Variants in GOLGA3 observed in about 807,000 individuals in gnomAD.
GOLGA3 encodes the protein golgin subfamily A member 3.
A neutral mutation model predicts 169.4 loss-of-function variants in GOLGA3; 75 were observed. That is an observed-to-expected ratio of 0.44 (90% CI 0.37 to 0.54). The LOEUF (loss-of-function observed/expected upper bound fraction) is 0.54, where lower values mean the gene tolerates loss of function less well. GOLGA3 is among the 20% of genes least tolerant of loss of function. The pLI is 0.00. For missense variants in GOLGA3, 1,899 were observed against 1,930.0 expected (o/e 0.98, Z 0.30); for synonymous variants, 824 against 822.4 (o/e 1.00, Z -0.03).
intron 5 of GOLGA3, among the ~76,000 whole-genome samples, chr12:132,807,599 C>A (rs988288542): frequency 6.6e-6 from 1 of 152,154 alleles, no homozygotes; most frequent in Admixed American, 6.5e-5. Context: ...TCTAATTCTA[C>A]TGATTAAAAA....
chr12:132,799,427 CAGG>C (rs1949024698), intron 8 of GOLGA3, among the ~76,000 whole-genome samples: 1 of 152,178 alleles, frequency 6.6e-6, no homozygotes, highest in African/African-American at 2.4e-5. Flanking sequence ...CGCTTGAGTC[CAGG>C]AGTTCAAAAC....
chr12:132,777,635 G>A lies in GOLGA3; in HGVS notation c.3722+31C>T. Reference sequence around the variant, plus strand: ...CCCCGCCCATTGCCAGGACAGCCATGTTTGAGGGCTGGCGGGGCCCAGGCA... The same window carrying A: ...CCCCGCCCATTGCCAGGACAGCCATATTTGAGGGCTGGCGGGGCCCAGGCA... On this transcript the variant is annotated intron_variant, in intron 19 of 23. Coordinates refer to ENST00000450791, the MANE Select transcript of GOLGA3 (RefSeq NM_001389683.1). The surrounding 1 kb of genome is among the most constrained non-coding windows in gnomAD (Gnocchi z 4.7). 1.2e-6 allele frequency: 2 copies of A among 1,612,382 alleles called. No homozygotes were observed. Among genetic ancestry groups the A allele is most frequent in the Non-Finnish European group, 1.7e-6 (2 of 1,179,062 alleles).
chr12:132,826,162 C>T, intron 1 of GOLGA3: 1 of 1,593,186 alleles, frequency 6.3e-7, no homozygotes, highest in Non-Finnish European at 8.6e-7. Flanking sequence ...CTGCCAGCAC[C>T]AAGAAGCAGT....
chr12:132,828,118 G>A (rs945888811), intron 1 of GOLGA3, among the ~76,000 whole-genome samples: 19 of 152,124 alleles, frequency 1.2e-4, no homozygotes, highest in African/African-American at 1.7e-4. Flanking sequence ...AATTTTGCCT[G>A]GCTTGCTTCT....
chr12:132,801,922 G>C lies in GOLGA3; in HGVS notation c.1645C>G (p.Gln549Glu), dbSNP rs1232068726. The C allele has an allele frequency of 3.1e-6, 5 of 1,601,334 alleles. No homozygotes were observed. Among genetic ancestry groups the C allele is most frequent in the Admixed American group, 1.7e-5 (1 of 60,002 alleles). Residue 549 changes from glutamine to glutamate, a missense_variant, in exon 8 of 24, where the codon CAG becomes GAG. Transcript: ENST00000450791. ...QMTALQSQLQ[Q>E]VQLERTTLTS... ...AGCGTCGTCCGCTCCAGCTGCACCT[G>C]CTGAAGCTGGCTCTGCAAGGCTGTC...
chr12:132,792,763 G>GCACTCGGAGGGCTCCACACAGACCC (rs1948613483), intron 11 of GOLGA3, among the ~76,000 whole-genome samples: 1 of 68,222 alleles, frequency 1.5e-5, no homozygotes, highest in Non-Finnish European at 2.9e-5. Flanking sequence ...CACACGGACT[G>GCACTCGGAGGGCTCCACACAGACCC]ACCGCACGGG....
chr12:132,816,675 G>A lies in GOLGA3; in HGVS notation c.271C>T (p.Pro91Ser). The change falls in exon 3 of 24, where the codon CCT becomes TCT. Residue 91 changes from proline (P) to serine (S), a missense_variant. By Grantham distance (74) the Pro-to-Ser change is moderately conservative (BLOSUM62 -1). Transcript: ENST00000450791. ...SLDPTTSPVG[P>S]DASPGVAGFH... The stretch of plus-strand genomic sequence containing the variant: ...CCAGCCACACCTGGAGAGGCATCAG[G>A]GCCCACTGGGCTTGTGGTGGGATCG... 6.2e-7 allele frequency: 1 copy of A among 1,614,164 alleles called. No homozygotes were observed. The highest frequency in any genetic ancestry group is 1.1e-5 in the South Asian group (1 of 91,090).
rs984913838 is a variant in GOLGA3 at position 132,788,910 on chromosome 12, G to A, written c.2811+117C>T. The stretch of plus-strand genomic sequence containing the variant: ...TGGCCCCACCCCAGACACAGGCCCC[G>A]ACCCAGACAGACCCCGCCCCAGACA... On this transcript the variant is annotated intron_variant, in intron 13 of 23. Coordinates refer to ENST00000450791, the MANE Select transcript of GOLGA3 (RefSeq NM_001389683.1). 4 of 67,318 alleles carry A rather than the reference G, an allele frequency of 5.9e-5. 1 individual carries two copies. Among genetic ancestry groups the A allele is most frequent in the Non-Finnish European group, 5.4e-5 (2 of 36,926 alleles). 4.2% of individuals were successfully genotyped at this position (67,318 alleles called of 1,614,324 possible).
Position 132,816,559 on chromosome 12 carries a change from A to G in GOLGA3, c.387T>C (p.Pro129=), listed in dbSNP as rs753884318. 1 of 1,613,320 alleles carries G rather than the reference A, an allele frequency of 6.2e-7. No individual in the cohort carries two copies. The highest frequency in any genetic ancestry group is 1.1e-5 in the South Asian group (1 of 91,082). The change falls in exon 3 of 24, where the codon CCT becomes CCC. Residue 129 remains proline, a synonymous_variant. Coordinates refer to ENST00000450791, the MANE Select transcript of GOLGA3 (RefSeq NM_001389683.1). ...GCTTACACAGTTGCGTTTCTTGCAT[A>G]GGAAGACTGAGTCTGAGAGACTGCA... ...EALQSLRLSL[P]MQETQLCSTD... is the part of the protein sequence containing the mutation.
chr12:132,787,651 C>T (rs1485467530), intron 13 of GOLGA3, among the ~76,000 whole-genome samples: 1 of 102,532 alleles, frequency 9.8e-6, no homozygotes, highest in Non-Finnish European at 2.2e-5. Flanking sequence ...CGGGACCCCT[C>T]CCCGGAGACC....
At chr12:132,818,800 C>G (rs1021457837) in intron 2 of GOLGA3, among the ~76,000 whole-genome samples, 4 of 152,050 alleles carry the variant, frequency 2.6e-5, no homozygotes, top group African/African-American at 9.7e-5. Flanking sequence ...GTCATCACAC[C>G]ACCCGTGAAG....
At position 132,809,304 on chromosome 12, in the gene GOLGA3, T is replaced by A. The variant is rs368856921; in HGVS notation, c.520-755A>T. Among the ~76,000 whole-genome samples the A allele has an allele frequency of 3.3e-5, 5 of 152,296 alleles. No individual in the cohort carries two copies. The East Asian group carries it at 9.7e-4, about 29-fold the overall frequency. ...GGAGTGTGACCACTGAAGCACAGCA[T>A]CACAGGGAGATGGTTAGGCCTCCGG... On this transcript the variant is annotated intron_variant, in intron 4 of 23. Coordinates refer to ENST00000450791, the MANE Select transcript of GOLGA3 (RefSeq NM_001389683.1).
In GOLGA3 at chr12:132,783,998, G is replaced by A. The variant is rs1283028069; in HGVS notation, c.3267+166C>T. The A allele has an allele frequency of 2.7e-6, 4 of 1,500,468 alleles. No individual in the cohort carries two copies. The South Asian group carries it at 3.9e-5, about 15-fold the overall frequency. The allele number at this position is 1,500,468 out of a possible 1,614,324, so 92.9% of individuals were successfully genotyped here. ...CCCCAGAGGGCTGGAATCAGGGCCTGCCCCACCACAGAGCCAGAGGCCGAC... is the reference window on the plus strand; with the variant it reads ...CCCCAGAGGGCTGGAATCAGGGCCTACCCCACCACAGAGCCAGAGGCCGAC... On this transcript the variant is annotated intron_variant, in intron 16 of 23. Coordinates refer to ENST00000450791, the MANE Select transcript of GOLGA3 (RefSeq NM_001389683.1).
chr12:132,816,560 G>C lies in GOLGA3; in HGVS notation c.386C>G (p.Pro129Arg), dbSNP rs1324706451. ...EALQSLRLSLPMQETQLCSTD... is the reference protein window; with the variant it reads ...EALQSLRLSLRMQETQLCSTD... ...CTTACACAGTTGCGTTTCTTGCATA[G>C]GAAGACTGAGTCTGAGAGACTGCAA... is the stretch of plus-strand genomic sequence containing the variant. Residue 129 changes from proline to arginine, a missense_variant, in exon 3 of 24, where the codon CCT becomes CGT. Coordinates refer to ENST00000450791, the MANE Select transcript of GOLGA3 (RefSeq NM_001389683.1). 1 of 1,613,524 alleles carries C rather than the reference G, an allele frequency of 6.2e-7. No homozygotes were observed. Among genetic ancestry groups the C allele is most frequent in the African/African-American group, 1.3e-5 (1 of 75,056 alleles).
intron 13 of GOLGA3, among the ~76,000 whole-genome samples, chr12:132,787,920 C>CA (rs560619467): frequency 7.5e-6 from 1 of 133,554 alleles, no homozygotes; most frequent in African/African-American, 2.9e-5. Flanking sequence ...TTCCCTGGAC[C>CA]CCCCCCGGAT....
chr12:132,805,065 T>A (rs770918636), intron 6 of GOLGA3, 43 bp from the exon 7 acceptor site: 7 of 1,575,616 alleles, frequency 4.4e-6, no homozygotes, highest in Non-Finnish European at 6.0e-6. Flanking sequence ...AGAAAACGAG[T>A]CACTTCCATC....
chr12:132,787,324 T>C (rs1370470354), intron 13 of GOLGA3, among the ~76,000 whole-genome samples: 5 of 151,982 alleles, frequency 3.3e-5, no homozygotes, highest in Admixed American at 6.6e-5. Flanking sequence ...CAACAGGACA[T>C]GACTGGTTCA....
intron 4 of GOLGA3, among the ~76,000 whole-genome samples, chr12:132,810,998 G>GTC (rs1287024791): frequency 6.6e-6 from 1 of 152,132 alleles, no homozygotes; most frequent in Non-Finnish European, 1.5e-5. Context: ...GGCATAAGCT[G>GTC]TCTCTCTCTC....
intron 22 of GOLGA3, chr12:132,774,800 G>A: frequency 2.1e-6 from 1 of 469,824 alleles, no homozygotes; most frequent in Admixed American, 3.9e-5. Context: ...TGTGGACCGA[G>A]CACAGAAAAC....
Sources: gnomAD v4.1 joint callset for allele counts (sites outside exome capture counted in the v4.1 genomes callset) on GRCh38, gnomAD v4.1.1 for gene constraint, Gnocchi (gnomAD v3.1) non-coding constraint, MANE v1.5 for transcripts, NCBI Gene and HGNC (gene_info 2026-07-23, HGNC 2026-07-21) for gene names.